TRIM16: variants seen among roughly 807,000 people sequenced by gnomAD.
TRIM16 encodes tripartite motif containing 16.
TRIM16 carries 33 observed loss-of-function variants against 50.4 expected under a neutral mutation model. That is an observed-to-expected ratio of 0.65 (90% CI 0.50 to 0.88). The LOEUF (loss-of-function observed/expected upper bound fraction) is 0.88. Among genes scored for constraint, TRIM16 ranks in the 40% least tolerant of loss-of-function variants. The pLI is 0.00. For synonymous variants in TRIM16, 229 were observed against 270.7 expected, an observed-to-expected ratio of 0.85 and a Z score of 1.51; for missense variants, 581 against 686.8, an observed-to-expected ratio of 0.85 and a Z score of 1.72.
At chr17:15,655,937 C>T (rs945338096) in intron 6 of TRIM16, among the ~76,000 whole-genome samples, 2 of 152,236 alleles carry the variant, frequency 1.3e-5, no homozygotes, top group South Asian at 2.1e-4. Context: ...AAGTCAGGGC[C>T]GGTAAATCAA....
At chr17:15,647,394 G>C (rs923845231) in intron 7 of TRIM16, among the ~76,000 whole-genome samples, 4 of 152,272 alleles carry the variant, frequency 2.6e-5, no homozygotes, top group African/African-American at 9.6e-5. Context: ...TTTGGCTCTA[G>C]ATACTTGGCT....
Position 15,642,785 on chromosome 17 carries a change from T to C in TRIM16, c.551A>G (p.Glu184Gly). ...AELQCTQLDLERKLKLNENAI... is the reference protein window; with the variant it reads ...AELQCTQLDLGRKLKLNENAI... ...ATTTTCATTCAACTTGAGTTTCCGC[T>C]CCAAGTCTAACTGGGTGCACTGGAG... The change falls in exon 8 of 12, where the codon GAG becomes GGG. Residue 184 changes from glutamate (E) to glycine (G), a missense_variant. Glu to Gly is a moderately conservative substitution (Grantham distance 98, BLOSUM62 -2). This residue lies in a region of TRIM16 where 450 missense variants were observed against 544.3 expected (regional missense o/e 0.83). Coordinates refer to ENST00000649191, the MANE Select transcript of TRIM16 (RefSeq NM_001348119.1). The C allele has an allele frequency of 1.3e-6, 1 of 761,114 alleles. No individual in the cohort carries two copies. The highest frequency in any genetic ancestry group is 2.0e-6 in the Non-Finnish European group (1 of 488,128). 47.1% of individuals were successfully genotyped at this position (761,114 alleles called of 1,614,324 possible). A position where few individuals can be genotyped will look rare whatever the true frequency, so the allele number is the denominator to read the frequency against.
intron 3 of TRIM16, among the ~76,000 whole-genome samples, chr17:15,682,195 A>G (rs1989209525): frequency 6.6e-6 from 1 of 152,236 alleles, no homozygotes; most frequent in Non-Finnish European, 1.5e-5. Flanking sequence ...TATTTTCTGC[A>G]TATCAACATT....
rs769858985 is a variant in TRIM16, at chr17:15,651,353, C to A, written c.257G>T (p.Arg86Ile). 2.2e-5 allele frequency: 36 copies of A among 1,614,124 alleles called. No individual in the cohort carries two copies. The highest frequency in any genetic ancestry group is 9.3e-5 in the African/African-American group (7 of 74,940). ...LCDFCLDDTR[R>I]VKAVKSCLTC... ...TAGACAGGACTTCACTGCCTTCACT[C>A]TTCTGGTGTCATCAAGGCAGAAGTC... Residue 86 changes from arginine (R) to isoleucine (I), a missense_variant, in exon 7 of 12, where the codon AGA (arginine) becomes ATA (isoleucine). This residue lies in a region of TRIM16 where 450 missense variants were observed against 544.3 expected (regional missense o/e 0.83). Transcript: ENST00000649191.
At chr17:15,653,777 T>C (rs1255114832) in intron 6 of TRIM16, among the ~76,000 whole-genome samples, 1 of 152,152 alleles carries the variant, frequency 6.6e-6, no homozygotes, top group Non-Finnish European at 1.5e-5. Flanking sequence ...GGGCATGAGC[T>C]TGGAAGCCTC....
chr17:15,659,196 C>T (rs760384717), intron 6 of TRIM16, among the ~76,000 whole-genome samples: 1 of 152,236 alleles, frequency 6.6e-6, no homozygotes, highest in Admixed American at 6.5e-5. Flanking sequence ...CAACTATGCC[C>T]TTAGCGACGG....
intron 11 of TRIM16, 48 bp from the exon 12 acceptor site, chr17:15,629,246 A>C: frequency 6.9e-7 from 1 of 1,459,458 alleles, no homozygotes; most frequent in East Asian, 2.3e-5. Context: ...CTGACAGCTG[A>C]TTCAGACAGA....
Position 15,651,629 on chromosome 17 carries a change from G to A in TRIM16, c.-20C>T. 6.2e-7 allele frequency: 1 copy of A among 1,608,834 alleles called. No homozygotes were observed. The highest frequency in any genetic ancestry group is 8.5e-7 in the Non-Finnish European group (1 of 1,177,720). On this transcript the variant is annotated 5_prime_UTR_variant, in exon 7 of 12. Coordinates refer to ENST00000649191, the MANE Select transcript of TRIM16 (RefSeq NM_001348119.1). ...AGCCATCTGGGAGGCTCTGCTCCTA[G>A]GCTGTCTTTCTTCTGTCCCTTGGCC...
Position 15,647,138 on chromosome 17 carries a change from T to G in TRIM16, c.519+3953A>C, listed in dbSNP as rs1597625001. 4.0e-5 allele frequency among the ~76,000 whole-genome samples: 6 copies of G among 151,768 alleles called. No individual in the cohort carries two copies. In the South Asian group the frequency reaches 1.3e-3, roughly 32 times the overall value. On this transcript the variant is annotated intron_variant, in intron 7 of 11. Coordinates refer to ENST00000649191, the MANE Select transcript of TRIM16 (RefSeq NM_001348119.1). The stretch of plus-strand genomic sequence containing the variant: ...CCTGCTACTGTGCCAGGCTAATTTT[T>G]GTATTTTTTTTTTTTAGTAGAGACA...
rs140723520 is a variant in TRIM16, at chr17:15,641,290, G to A, written c.615+1431C>T. Among the ~76,000 whole-genome samples the A allele has an allele frequency of 5.3e-4, 79 of 148,952 alleles. 2 individuals carry two copies. The highest frequency in any genetic ancestry group is 1.9e-3 in the African/African-American group (76 of 40,288). ...CTCAATACATTCAAGGAGCCAGCAG[G>A]TAATGGTTTAAAGATTTGAGGATGG... On this transcript the variant is annotated intron_variant, in intron 8 of 11. Coordinates refer to ENST00000649191, the MANE Select transcript of TRIM16 (RefSeq NM_001348119.1).
At chr17:15,631,509 G>A in intron 11 of TRIM16, 110 bp downstream of exon 11, 1 of 963,482 alleles carries the variant, frequency 1.0e-6, no homozygotes, top group Non-Finnish European at 1.5e-6. Flanking sequence ...TTTAGAGATA[G>A]ATATGAAGTT....
intron 6 of TRIM16, among the ~76,000 whole-genome samples, chr17:15,667,666 GAA>G (rs749898279): frequency 1.3e-4 from 19 of 151,894 alleles, no homozygotes; most frequent in Non-Finnish European, 2.8e-4. Context: ...CATTTCTATG[GAA>G]AGAATAAATT....
chr17:15,649,486 C>G (rs979765427), intron 7 of TRIM16, among the ~76,000 whole-genome samples: 9 of 152,068 alleles, frequency 5.9e-5, no homozygotes, highest in African/African-American at 2.2e-4. Context: ...CAGAGTTTCA[C>G]CGTGTTAGCC....
chr17:15,628,737 T>C lies in TRIM16; in HGVS notation c.1573A>G (p.Lys525Glu). 2 of 1,614,196 alleles carry C rather than the reference T, an allele frequency of 1.2e-6. No individual in the cohort carries two copies. The highest frequency in any genetic ancestry group is 1.7e-6 in the Non-Finnish European group (2 of 1,180,024). The change falls in exon 12 of 12, where the codon AAA becomes GAA. Residue 525 changes from lysine (K) to glutamate (E), a missense_variant. Lys to Glu is a moderately conservative substitution (Grantham distance 56, BLOSUM62 1). Coordinates refer to ENST00000649191, the MANE Select transcript of TRIM16 (RefSeq NM_001348119.1). The part of the protein sequence containing the change: ...TMTLVHKFAC[K>E]FSEPVYAAFW... ...GCAGCATAGACTGGTTCTGAAAATT[T>C]GCAGGCAAACTTGTGAACCAGAGTC...
At chr17:15,650,362 C>T (rs1987627485) in intron 7 of TRIM16, among the ~76,000 whole-genome samples, 1 of 152,202 alleles carries the variant, frequency 6.6e-6, no homozygotes, top group African/African-American at 2.4e-5. Flanking sequence ...CCAGGAACTT[C>T]TCCAGGATCT....
Position 15,640,450 on chromosome 17 carries a change from T to C in TRIM16, c.615+2271A>G, listed in dbSNP as rs1171269868. On this transcript the variant is annotated intron_variant, in intron 8 of 11. Coordinates refer to ENST00000649191, the MANE Select transcript of TRIM16 (RefSeq NM_001348119.1). Reference sequence around the variant, plus strand: ...ACTGTGGGCACCAGTTAGGGTAACATCCTATGCCCATAATGGACTATAAAT... The same window carrying C: ...ACTGTGGGCACCAGTTAGGGTAACACCCTATGCCCATAATGGACTATAAAT... Among the ~76,000 whole-genome samples, 3 of 148,462 alleles carry C rather than the reference T, an allele frequency of 2.0e-5. 1 individual carries two copies. The highest frequency in any genetic ancestry group is 4.4e-4 in the South Asian group (2 of 4,556).
Position 15,654,737 on chromosome 17 carries a change from C to A in TRIM16, c.-337-2791G>T, listed in dbSNP as rs554947003. Among the ~76,000 whole-genome samples the A allele has an allele frequency of 7.9e-5, 12 of 152,286 alleles. No individual in the cohort carries two copies. The South Asian group carries it at 2.5e-3, about 32-fold the overall frequency. On this transcript the variant is annotated intron_variant, in intron 6 of 11. Coordinates refer to ENST00000649191, the MANE Select transcript of TRIM16 (RefSeq NM_001348119.1). Reference sequence around the variant, plus strand: ...ATTGAATAACTGTCTTTGTTTCTCGCTTCTGTAATATGCTTCCCCCTGCAC... The same window carrying A: ...ATTGAATAACTGTCTTTGTTTCTCGATTCTGTAATATGCTTCCCCCTGCAC...
intron 7 of TRIM16, among the ~76,000 whole-genome samples, chr17:15,650,219 A>C (rs1460794510): frequency 6.6e-6 from 1 of 152,220 alleles, no homozygotes; most frequent in African/African-American, 2.4e-5. Context: ...CTCAGTGTCA[A>C]CAGGGAACTT....
At chr17:15,676,056 C>T (rs1031123120) in intron 6 of TRIM16, among the ~76,000 whole-genome samples, 12 of 152,138 alleles carry the variant, frequency 7.9e-5, no homozygotes, top group African/African-American at 2.9e-4. Context: ...GCATGTCGTC[C>T]TTATATTCAT....
Sources: allele counts gnomAD v4.1 joint callset (sites outside exome capture counted in the v4.1 genomes callset), GRCh38; gene constraint gnomAD v4.1.1; regional missense constraint gnomAD v4.1.1; transcripts MANE v1.5; gene names NCBI Gene and HGNC (gene_info 2026-07-23, HGNC 2026-07-21).